ADCY1: variants seen among roughly 807,000 people sequenced by gnomAD.
The protein encoded by ADCY1 is adenylate cyclase 1.
In ADCY1, 28 loss-of-function variants were observed where a neutral mutation model predicts 105.4. That is an observed-to-expected ratio of 0.27 (90% confidence interval 0.20 to 0.36). ADCY1 has a LOEUF of 0.36. Ranked by LOEUF, ADCY1 falls within the 10% of genes least tolerant of loss-of-function variation. ADCY1 has a pLI of 1.00. For missense variants in ADCY1, 977 were observed against 1,434.2 expected, an observed-to-expected ratio of 0.68 and a Z score of 5.15; for synonymous variants, 655 against 623.8, an observed-to-expected ratio of 1.05 and a Z score of -0.75.
chr7:45,667,388 C>A (rs188914807), intron 8 of ADCY1, among the ~76,000 whole-genome samples: 2 of 152,142 alleles, frequency 1.3e-5, no homozygotes, highest in Admixed American at 6.5e-5. Flanking sequence ...AATAGGGAAT[C>A]CTTTCCCCAT....
intron 17 of ADCY1, 75 bp downstream of exon 17, chr7:45,704,691 A>G: frequency 8.3e-7 from 1 of 1,211,968 alleles, no homozygotes; most frequent in Non-Finnish European, 1.2e-6. Context: ...GACCCTGGGT[A>G]GCTTCCACAC....
intron 7 of ADCY1, 49 bp from the exon 8 acceptor site, chr7:45,662,010 A>G (rs767764091): frequency 2.4e-5 from 38 of 1,581,738 alleles, no homozygotes; most frequent in Admixed American, 8.5e-5. Flanking sequence ...GAGAGGCACA[A>G]TGTGTCTCAT....
At chr7:45,693,802 C>A in intron 14 of ADCY1, among the ~76,000 whole-genome samples, 1 of 143,642 alleles carries the variant, frequency 7.0e-6, no homozygotes, top group Admixed American at 7.1e-5. Flanking sequence ...ATGATGAGTT[C>A]ATATCCTTTG....
intron 2 of ADCY1, among the ~76,000 whole-genome samples, chr7:45,598,830 G>A (rs575627757): frequency 2.6e-5 from 4 of 152,334 alleles, no homozygotes; most frequent in East Asian, 1.9e-4. Context: ...AGCCTAGGTC[G>A]AGCTGGCTGG....
intron 1 of ADCY1, among the ~76,000 whole-genome samples, chr7:45,579,885 CTG>C (rs1792473702): frequency 6.6e-6 from 1 of 152,142 alleles, no homozygotes; most frequent in African/African-American, 2.4e-5. Context: ...GCCCCCAGGC[CTG>C]TGTTTAGTGT....
chr7:45,685,593 GAACAGGACAGAGCTGGGTGCATGATT>G (rs1029255751), intron 12 of ADCY1, among the ~76,000 whole-genome samples: 1 of 150,368 alleles, frequency 6.7e-6, no homozygotes, highest in African/African-American at 2.5e-5. Context: ...GGGGCAGGAG[GAACAGGACAGAGCTGGGTGCATGATT>G]AACAGGACAG....
chr7:45,589,809 G>GGC (rs1459312664), intron 1 of ADCY1, among the ~76,000 whole-genome samples: 1 of 151,874 alleles, frequency 6.6e-6, no homozygotes, highest in African/African-American at 2.4e-5. Context: ...TTTGAAGGGA[G>GGC]GCAGTGCCCA....
intron 8 of ADCY1, among the ~76,000 whole-genome samples, chr7:45,674,290 T>C (rs1025421285): frequency 5.3e-5 from 8 of 152,184 alleles, no homozygotes; most frequent in African/African-American, 9.7e-5. Flanking sequence ...TCTTGTTTGA[T>C]GATGTCTTAG....
chr7:45,630,889 C>A (rs896008347), intron 4 of ADCY1, among the ~76,000 whole-genome samples: 1 of 152,076 alleles, frequency 6.6e-6, no homozygotes, highest in African/African-American at 2.4e-5. Context: ...GTGGGTATCT[C>A]TGGGGGTCTC....
chr7:45,692,240 G>A (rs1299532520), intron 14 of ADCY1, among the ~76,000 whole-genome samples: 1 of 152,104 alleles, frequency 6.6e-6, no homozygotes, highest in South Asian at 2.1e-4. Context: ...ACAGCCTCTG[G>A]CAGGCATCCA....
rs893966090 is a variant in ADCY1 at position 45,720,746 on chromosome 7, A to G, written c.*6751A>G. ...TGTCGCTCTCCCACCTGGTTACCAC[A>G]GTCTCCATGGGTCTTTTGCCGTGAC... On this transcript the variant is annotated 3_prime_UTR_variant, in exon 20 of 20. Coordinates refer to ENST00000297323, the MANE Select transcript of ADCY1 (RefSeq NM_021116.4). The G allele has an allele frequency of 6.6e-6, 1 of 152,194 alleles. No individual in the cohort carries two copies. Among genetic ancestry groups the G allele is most frequent in the African/African-American group, 2.4e-5 (1 of 41,444 alleles). 9.4% of individuals were successfully genotyped at this position (152,194 alleles called of 1,614,324 possible).
At chr7:45,681,646 C>G (rs1247585393) in intron 11 of ADCY1, among the ~76,000 whole-genome samples, 1 of 152,272 alleles carries the variant, frequency 6.6e-6, no homozygotes, top group South Asian at 2.1e-4. Flanking sequence ...TTGATTGAAT[C>G]ACAAGTATTT....
At chr7:45,614,205 A>G (rs1257255633) in intron 3 of ADCY1, among the ~76,000 whole-genome samples, 1 of 151,992 alleles carries the variant, frequency 6.6e-6, no homozygotes, top group African/African-American at 2.4e-5. Flanking sequence ...AATAACTGGA[A>G]AGTATGTTAA....
Position 45,648,725 on chromosome 7 carries a change from G to C in ADCY1, c.1076G>C (p.Gly359Ala). ...ILGDCYYCVS[G>A]LTQPKTDHAH... ...GGGGACTGCTACTACTGCGTGTCGG[G>C]CCTCACCCAGCCCAAGACTGACCAT... is the stretch of plus-strand genomic sequence containing the variant. Residue 359 changes from glycine (G) to alanine (A), a missense_variant, in exon 5 of 20, where the codon GGC becomes GCC. Around this residue, in one of 7 missense-constraint regions of ADCY1, gnomAD observed 196 missense variants for 347.8 expected, o/e 0.56. Transcript: ENST00000297323. The C allele has an allele frequency of 6.2e-7, 1 of 1,614,182 alleles. No individual in the cohort carries two copies. The highest frequency in any genetic ancestry group is 8.5e-7 in the Non-Finnish European group (1 of 1,180,020).
intron 5 of ADCY1, among the ~76,000 whole-genome samples, chr7:45,652,665 A>G (rs559868218): frequency 3.0e-4 from 45 of 152,348 alleles, no homozygotes; most frequent in Admixed American, 1.6e-3. Flanking sequence ...TCATTTGGGA[A>G]GAGTCTAGGA....
In ADCY1 at chr7:45,721,296, T is replaced by C. The variant is rs1785466892; in HGVS notation, c.*7301T>C. The C allele has an allele frequency of 1.2e-5, 2 of 164,796 alleles. No individual in the cohort carries two copies. The highest frequency in any genetic ancestry group is 4.1e-4 in the South Asian group (2 of 4,918). 10.2% of individuals were successfully genotyped at this position (164,796 alleles called of 1,614,324 possible). A position where few individuals can be genotyped will look rare whatever the true frequency, so the allele number is the denominator to read the frequency against. ...TGCAATTCCTCTTGGGTAAGAGGAA[T>C]TCCTCCTTCTTTACTAACTGATCCC... On this transcript the variant is annotated 3_prime_UTR_variant, in exon 20 of 20. Coordinates refer to ENST00000297323, the MANE Select transcript of ADCY1 (RefSeq NM_021116.4).
chr7:45,679,570 G>A (rs952326833), intron 10 of ADCY1, 139 bp from the exon 11 acceptor site: 5 of 785,848 alleles, frequency 6.4e-6, no homozygotes, highest in Non-Finnish European at 1.1e-5. Context: ...GACCTGAGTG[G>A]CAGGCATCCA....
chr7:45,602,812 T>C (rs1584261717), intron 2 of ADCY1, among the ~76,000 whole-genome samples: 1 of 152,244 alleles, frequency 6.6e-6, no homozygotes, highest in Non-Finnish European at 1.5e-5. Flanking sequence ...TATGCAAGAA[T>C]CTTAGTCTTA....
rs1785160627 is a variant in ADCY1 at position 45,708,253 on chromosome 7, C to T, written c.2818-97C>T. 4.0e-6 allele frequency: 3 copies of T among 750,994 alleles called. No homozygotes were observed. The highest frequency in any genetic ancestry group is 1.6e-5 in the South Asian group (1 of 61,300). The allele number at this position is 750,994 out of a possible 1,614,324, so 46.5% of individuals were successfully genotyped here. ...TATAGCCAGGCACTCAGAGTGCCTT[C>T]CTCTGAAAGTGCAGCTGTTGGGCAC... On this transcript the variant is annotated intron_variant, in intron 17 of 19. Transcript: ENST00000297323. The surrounding 1 kb of genome is among the most constrained non-coding windows in gnomAD (Gnocchi z 4.7).
Sources: gnomAD v4.1 joint callset for allele counts (sites outside exome capture counted in the v4.1 genomes callset) on GRCh38, gnomAD v4.1.1 for gene constraint, gnomAD v4.1.1 regional missense constraint, Gnocchi (gnomAD v3.1) non-coding constraint, MANE v1.5 for transcripts, NCBI Gene and HGNC (gene_info 2026-07-23, HGNC 2026-07-21) for gene names.